Variants in DIP2C observed in about 807,000 individuals in gnomAD.
The protein encoded by DIP2C is DIP2 acetate--CoA ligase C (putative).
DIP2C carries 33 observed loss-of-function variants against 192.4 expected under a neutral mutation model. The observed-to-expected ratio is 0.17, with a 90% CI of 0.13 to 0.23. DIP2C has a LOEUF of 0.23. DIP2C is among the 10% of genes least tolerant of loss of function. The pLI is 1.00. For synonymous variants in DIP2C, 979 were observed against 864.1 expected, an observed-to-expected ratio of 1.13 and a Z score of -2.33; for missense variants, 1,537 against 2,110.1, an observed-to-expected ratio of 0.73 and a Z score of 5.32.
chr10:636,413 A>ACT lies in DIP2C; in HGVS notation c.85+53079_85+53080dup, dbSNP rs894142684. On this transcript the variant is annotated intron_variant, in intron 1 of 36. Transcript: ENST00000280886. The surrounding 1 kb of genome is among the most constrained non-coding windows in gnomAD (Gnocchi z 4.6). Reference sequence around the variant, plus strand: ...AACATTTCGGTAGATTTGCTTTCTCACTCTCTCTCTCTGTAGATTATACAG... The same window carrying ACT: ...AACATTTCGGTAGATTTGCTTTCTCACTCTCTCTCTCTCTGTAGATTATACAG... Among the ~76,000 whole-genome samples, 12 of 151,330 alleles carry ACT rather than the reference A, an allele frequency of 7.9e-5. No individual in the cohort carries two copies. The highest frequency in any genetic ancestry group is 1.3e-4 in the Non-Finnish European group (9 of 67,832).
rs553916229 is a variant in DIP2C, at chr10:531,353, C to T, written c.86-44823G>A. Among the ~76,000 whole-genome samples the T allele has an allele frequency of 3.3e-5, 5 of 152,100 alleles. No homozygotes were observed. The South Asian group carries it at 1.0e-3, about 32-fold the overall frequency. ...CCCGTGTGTTTAAATGCCGCGGTCT[C>T]CTCCCCTCCTGAGGGGCGTGTGCTT... is the stretch of plus-strand genomic sequence containing the variant. On this transcript the variant is annotated intron_variant, in intron 1 of 36. Coordinates refer to ENST00000280886, the MANE Select transcript of DIP2C (RefSeq NM_014974.3).
chr10:284,354 C>G (rs1301688385), intron 34 of DIP2C, among the ~76,000 whole-genome samples: 1 of 152,194 alleles, frequency 6.6e-6, no homozygotes, highest in Non-Finnish European at 1.5e-5. Context: ...AGGGAAATGA[C>G]AGCCGTCCTC....
chr10:529,856 C>T (rs996933583), intron 1 of DIP2C, among the ~76,000 whole-genome samples: 5 of 152,210 alleles, frequency 3.3e-5, no homozygotes, highest in East Asian at 1.9e-4. Flanking sequence ...CATGGCTCAT[C>T]GCGGCCTTGA....
chr10:321,200 A>G lies in DIP2C; in HGVS notation c.3924+5806T>C, dbSNP rs370581714. ...TTCCTGTGTCAGGTATGTTCTAAAA[A>G]GTGCTTGTCCAGGCGCCAAGTCAGC... On this transcript the variant is annotated intron_variant, in intron 31 of 36. Transcript: ENST00000280886. Among the ~76,000 whole-genome samples the G allele has an allele frequency of 1.1e-3, 163 of 152,358 alleles. 1 individual carries two copies. Among genetic ancestry groups the G allele is most frequent in the African/African-American group, 3.7e-3 (152 of 41,586 alleles).
intron 1 of DIP2C, among the ~76,000 whole-genome samples, chr10:580,527 G>A (rs576091132): frequency 2.0e-5 from 3 of 152,160 alleles, no homozygotes; most frequent in Non-Finnish European, 4.4e-5. Context: ...ATGCACATAT[G>A]TACACATGTA....
At chr10:657,739 C>T (rs1856463523) in intron 1 of DIP2C, among the ~76,000 whole-genome samples, 1 of 144,788 alleles carries the variant, frequency 6.9e-6, no homozygotes, top group African/African-American at 2.5e-5. Context: ...GCCGCTGGAC[C>T]TGACACTGGA....
At chr10:558,164 T>G (rs1271584571) in intron 1 of DIP2C, among the ~76,000 whole-genome samples, 1 of 152,070 alleles carries the variant, frequency 6.6e-6, no homozygotes, top group Non-Finnish European at 1.5e-5. Context: ...GTTCCCCAAA[T>G]ACTAACTATG....
At chr10:327,972 C>T (rs142589833) in intron 30 of DIP2C, among the ~76,000 whole-genome samples, 10 of 152,258 alleles carry the variant, frequency 6.6e-5, no homozygotes, top group Non-Finnish European at 1.2e-4. Context: ...AGTAAGGGAG[C>T]GACAGGAATG....
chr10:420,620 G>C (rs1308718674), intron 5 of DIP2C, among the ~76,000 whole-genome samples: 5 of 152,182 alleles, frequency 3.3e-5, no homozygotes, highest in Admixed American at 3.3e-4. Flanking sequence ...TAGAGCAGTG[G>C]AAAAAGAAAA....
chr10:317,239 T>C (rs1214813947), intron 31 of DIP2C, among the ~76,000 whole-genome samples: 1 of 152,190 alleles, frequency 6.6e-6, no homozygotes, highest in Non-Finnish European at 1.5e-5. Flanking sequence ...CCACAGACAG[T>C]GTGAACTCAG....
chr10:683,213 A>AACTC (rs972063934), intron 1 of DIP2C, among the ~76,000 whole-genome samples: 1 of 152,190 alleles, frequency 6.6e-6, no homozygotes, highest in African/African-American at 2.4e-5. Flanking sequence ...TATTAAAATT[A>AACTC]ACTCCCCTAC....
At chr10:456,852 C>CA (rs1969344178) in intron 3 of DIP2C, among the ~76,000 whole-genome samples, 1 of 152,232 alleles carries the variant, frequency 6.6e-6, no homozygotes, top group African/African-American at 2.4e-5. Context: ...ATGGTCAAGA[C>CA]AGAGTGAAGG....
At chr10:386,339 G>C (rs1040592021) in intron 14 of DIP2C, among the ~76,000 whole-genome samples, 1 of 152,346 alleles carries the variant, frequency 6.6e-6, no homozygotes, top group East Asian at 1.9e-4. Context: ...TTTGAGAAGG[G>C]ACTTGGACGC....
intron 17 of DIP2C, among the ~76,000 whole-genome samples, chr10:378,808 CACAAATGA>C (rs754464644): frequency 0.015 from 1,779 of 116,056 alleles, 15 homozygotes; most frequent in African/African-American, 0.017. Context: ...TGCATAAAGA[CACAAATGA>C]ACAGACATGC....
At position 689,265 on chromosome 10, in the gene DIP2C, G is replaced by A. The variant is rs2119125299; in HGVS notation, c.85+229C>T. Among the ~76,000 whole-genome samples the A allele has an allele frequency of 6.6e-6, 1 of 151,750 alleles. No individual in the cohort carries two copies. Among genetic ancestry groups the A allele is most frequent in the East Asian group, 2.0e-4 (1 of 5,112 alleles). On this transcript the variant is annotated intron_variant, in intron 1 of 36. Transcript: ENST00000280886. This position sits in a 1 kb window ranked among gnomAD's most constrained non-coding sequence, Gnocchi z 6.1. ...GCCCCACAGACACCCCCAGGGCGCG[G>A]GGAATCGCGGCCCCACAAACGTCCC...
chr10:484,989 G>GT (rs746629884), intron 2 of DIP2C: 55 of 1,554,328 alleles, frequency 3.5e-5, no homozygotes, highest in Admixed American at 5.6e-5. Flanking sequence ...TCAAACTTTA[G>GT]TTTTTTTTAA....
intron 1 of DIP2C, among the ~76,000 whole-genome samples, chr10:575,637 A>G (rs1022982432): frequency 6.6e-6 from 1 of 152,244 alleles, no homozygotes; most frequent in African/African-American, 2.4e-5. Context: ...CCTTCCAGAC[A>G]TGACATCCAA....
At chr10:340,386 C>T (rs1017893848) in intron 29 of DIP2C, among the ~76,000 whole-genome samples, 17 of 151,630 alleles carry the variant, frequency 1.1e-4, no homozygotes, top group African/African-American at 3.9e-4. Flanking sequence ...GCGGATAATA[C>T]AAAACTGCTA....
chr10:571,056 G>C (rs139020216), intron 1 of DIP2C, among the ~76,000 whole-genome samples: 2 of 152,214 alleles, frequency 1.3e-5, no homozygotes, highest in South Asian at 2.1e-4. Context: ...CTAACGACAC[G>C]AGAGTGGTGC....
Sources: gnomAD v4.1 joint callset for allele counts (sites outside exome capture counted in the v4.1 genomes callset) on GRCh38, gnomAD v4.1.1 for gene constraint, Gnocchi (gnomAD v3.1) non-coding constraint, MANE v1.5 for transcripts, NCBI Gene and HGNC (gene_info 2026-07-23, HGNC 2026-07-21) for gene names.